Variants in IGF2BP2 observed in about 807,000 individuals in gnomAD.
The protein encoded by IGF2BP2 is insulin-like growth factor 2 mRNA-binding protein 2.
Under a neutral mutation model 75.8 loss-of-function variants are expected in IGF2BP2, and 17 were observed. That is an observed-to-expected ratio of 0.22 (90% CI 0.15 to 0.34). The LOEUF (loss-of-function observed/expected upper bound fraction) is 0.34. Among genes scored for constraint, IGF2BP2 ranks in the 10% least tolerant of loss-of-function variants. The pLI is 1.00. For synonymous variants in IGF2BP2, 288 were observed against 295.6 expected (o/e 0.97, Z 0.26); for missense variants, 516 against 772.4 (o/e 0.67, Z 3.93).
Position 185,694,955 on chromosome 3 carries a change from C to G in IGF2BP2, c.340+1657G>C, listed in dbSNP as rs541467376. Reference sequence around the variant, plus strand: ...TACAAAAATTAGCCAGGCATGGTGGCGCTCACCTATAATCCCAGCTACTAG... The same window carrying G: ...TACAAAAATTAGCCAGGCATGGTGGGGCTCACCTATAATCCCAGCTACTAG... On this transcript the variant is annotated intron_variant, in intron 4 of 15. Transcript: ENST00000382199. Among the ~76,000 whole-genome samples the G allele has an allele frequency of 2.6e-5, 4 of 152,054 alleles. No individual in the cohort carries two copies. The East Asian group carries it at 7.7e-4, about 29-fold the overall frequency.
intron 2 of IGF2BP2, among the ~76,000 whole-genome samples, chr3:185,798,138 T>C (rs559832878): frequency 4.8e-4 from 73 of 152,192 alleles, no homozygotes; most frequent in African/African-American, 1.7e-3. Flanking sequence ...GACATGGATG[T>C]TGCAGTGAGC....
chr3:185,768,030 A>C (rs1046519348), intron 2 of IGF2BP2: 1 of 152,176 alleles, frequency 6.6e-6, no homozygotes, highest in African/African-American at 2.4e-5. Flanking sequence ...CCTTATATAC[A>C]CTTTTGTGAC....
intron 2 of IGF2BP2, among the ~76,000 whole-genome samples, chr3:185,820,836 G>A (rs1741284055): frequency 6.6e-6 from 1 of 152,188 alleles, no homozygotes; most frequent in Non-Finnish European, 1.5e-5. Context: ...AGCAAGCAAT[G>A]AGGATGAACT....
intron 2 of IGF2BP2, chr3:185,717,796 A>C (rs947913730): frequency 1.3e-5 from 2 of 152,270 alleles, no homozygotes; most frequent in African/African-American, 4.8e-5. Context: ...TCTATGTCCC[A>C]GGCTGCACTA....
intron 2 of IGF2BP2, among the ~76,000 whole-genome samples, chr3:185,700,223 A>C (rs1723104814): frequency 6.6e-6 from 1 of 152,128 alleles, no homozygotes; most frequent in Non-Finnish European, 1.5e-5. Context: ...ACACACACAG[A>C]GGTACAGAGA....
intron 2 of IGF2BP2, among the ~76,000 whole-genome samples, chr3:185,793,277 G>A (rs1386028683): frequency 1.3e-5 from 2 of 152,154 alleles, no homozygotes; most frequent in African/African-American, 4.8e-5. Context: ...CTTTCTCGCT[G>A]GTGGCCTTGG....
At chr3:185,660,751 C>T (rs565558945) in intron 10 of IGF2BP2, among the ~76,000 whole-genome samples, 22 of 152,304 alleles carry the variant, frequency 1.4e-4, no homozygotes, top group Non-Finnish European at 2.8e-4. Context: ...TCTGCAGGTC[C>T]GTGTCCTGGG....
intron 2 of IGF2BP2, among the ~76,000 whole-genome samples, chr3:185,760,537 G>A (rs80233208): frequency 0.023 from 3,538 of 152,258 alleles, 66 homozygotes; most frequent in Middle Eastern, 0.054. Flanking sequence ...CCCATGAGCA[G>A]TCTCTCCCTC....
intron 10 of IGF2BP2, among the ~76,000 whole-genome samples, chr3:185,669,096 C>T (rs990410659): frequency 2.6e-5 from 4 of 152,006 alleles, no homozygotes; most frequent in Non-Finnish European, 5.9e-5. Flanking sequence ...CATCAGACTG[C>T]GAGGAATTGG....
At chr3:185,667,817 G>C (rs549618711) in intron 10 of IGF2BP2, among the ~76,000 whole-genome samples, 31 of 152,290 alleles carry the variant, frequency 2.0e-4, no homozygotes, top group Admixed American at 3.9e-4. Flanking sequence ...TTACAAACTG[G>C]AAGGCTTGTG....
At position 185,658,889 on chromosome 3, in the gene IGF2BP2, T is replaced by C. The variant is rs370434651; in HGVS notation, c.1201-480A>G. 8.5e-5 allele frequency among the ~76,000 whole-genome samples: 13 copies of C among 152,202 alleles called. No homozygotes were observed. In the South Asian group the frequency reaches 1.0e-3, roughly 12 times the overall value. On this transcript the variant is annotated intron_variant, in intron 10 of 15. Transcript: ENST00000382199. ...ACAAGCAAATGTGTTCCTGGGCAGA[T>C]AGATCAGTCAGCTCCATCAGAGAAT...
rs558792882 is a variant in IGF2BP2, at chr3:185,746,670, G to A, written c.240-48323C>T. Among the ~76,000 whole-genome samples the A allele has an allele frequency of 5.3e-5, 8 of 152,244 alleles. No individual in the cohort carries two copies. The South Asian group carries it at 1.5e-3, about 28-fold the overall frequency. On this transcript the variant is annotated intron_variant, in intron 2 of 15. Transcript: ENST00000382199. ...TATATATGAGGGCGGAGCAAAAGTG[G>A]GGACAAAGCCAACAGGAAACATATA...
At chr3:185,663,267 T>G (rs1268563430) in intron 10 of IGF2BP2, among the ~76,000 whole-genome samples, 1 of 152,144 alleles carries the variant, frequency 6.6e-6, no homozygotes, top group Non-Finnish European at 1.5e-5. Flanking sequence ...TGTTTCAAAA[T>G]CATTTTGGCA....
At position 185,689,435 on chromosome 3, in the gene IGF2BP2, C is replaced by G. The variant is rs1433783827; in HGVS notation, c.597G>C (p.Leu199=). The stretch of plus-strand genomic sequence containing the variant: ...TGGCACCAACAAACTGGGTGGGGAC[C>G]AGGATCCGCAGCGGGAAATCAATCT... ...ARQIDFPLRI[L]VPTQFVGAII... Residue 199 remains leucine (L), a synonymous_variant, in exon 6 of 16, where the codon CTG becomes CTC. Coordinates refer to ENST00000382199, the MANE Select transcript of IGF2BP2 (RefSeq NM_006548.6). 1 of 1,613,798 alleles carries G rather than the reference C, an allele frequency of 6.2e-7. No individual in the cohort carries two copies. Among genetic ancestry groups the G allele is most frequent in the African/African-American group, 1.3e-5 (1 of 74,916 alleles).
intron 2 of IGF2BP2, among the ~76,000 whole-genome samples, chr3:185,795,226 T>C (rs968049378): frequency 2.0e-5 from 3 of 152,192 alleles, no homozygotes; most frequent in African/African-American, 4.8e-5. Flanking sequence ...TGGGATCATA[T>C]AGTGCTTATC....
In IGF2BP2 at chr3:185,644,865, T is replaced by TCC. The variant is rs1713251966; in HGVS notation, c.*665_*666insGG. The TCC allele has an allele frequency of 6.6e-6, 1 of 152,530 alleles. No homozygotes were observed. Among genetic ancestry groups the TCC allele is most frequent in the South Asian group, 2.1e-4 (1 of 4,824 alleles). 9.4% of individuals were successfully genotyped at this position (152,530 alleles called of 1,614,324 possible). The stretch of plus-strand genomic sequence containing the variant: ...ACAGGTGATCCAGAACTGCCGTGAG[T>TCC]GTCCTTCCGACGAGATTTCCCTCTG... On this transcript the variant is annotated 3_prime_UTR_variant, in exon 16 of 16. Coordinates refer to ENST00000382199, the MANE Select transcript of IGF2BP2 (RefSeq NM_006548.6).
chr3:185,647,535 C>T lies in IGF2BP2; in HGVS notation c.1594-397G>A, dbSNP rs1034614358. On this transcript the variant is annotated intron_variant, in intron 14 of 15. Coordinates refer to ENST00000382199, the MANE Select transcript of IGF2BP2 (RefSeq NM_006548.6). This position sits in a 1 kb window ranked among gnomAD's most constrained non-coding sequence, Gnocchi z 4.9. ...GACATGCTGTCCTGGGTGCTGACCA[C>T]GAGCCCAAACCTCCTCTTGGTTAAC... 3.9e-5 allele frequency among the ~76,000 whole-genome samples: 6 copies of T among 152,052 alleles called. No homozygotes were observed. The highest frequency in any genetic ancestry group is 1.2e-4 in the African/African-American group (5 of 41,400).
chr3:185,687,238 G>C (rs778273973), intron 6 of IGF2BP2, 47 bp from the exon 7 acceptor site: 2 of 1,564,694 alleles, frequency 1.3e-6, no homozygotes, highest in African/African-American at 2.8e-5. Context: ...CATCTGGATA[G>C]GACCCTAGCC....
Position 185,692,739 on chromosome 3 carries a change from C to T in IGF2BP2, c.364G>A (p.Val122Ile), listed in dbSNP as rs1230354917. The T allele has an allele frequency of 1.1e-5, 18 of 1,613,850 alleles. No individual in the cohort carries two copies. The highest frequency in any genetic ancestry group is 3.3e-5 in the Admixed American group (2 of 59,994). Reference protein sequence around the residue: ...EQVNTDTETAVVNVTYATREE... With the variant: ...EQVNTDTETAIVNVTYATREE... ...CTTGTTGCATATGTGACGTTGACAA[C>T]GGCGGTTTCTGTGTCTGTGTTGACT... Residue 122 changes from valine to isoleucine, a missense_variant, in exon 5 of 16, where the codon GTT becomes ATT. Val to Ile is a conservative substitution (Grantham distance 29). This residue lies in a region of IGF2BP2 where 312 missense variants were observed against 474.5 expected (regional missense o/e 0.66). Transcript: ENST00000382199.
Sources: allele counts gnomAD v4.1 joint callset (sites outside exome capture counted in the v4.1 genomes callset), GRCh38; gene constraint gnomAD v4.1.1; regional missense constraint gnomAD v4.1.1; non-coding constraint Gnocchi (gnomAD v3.1); transcripts MANE v1.5; gene names NCBI Gene and HGNC (gene_info 2026-07-23, HGNC 2026-07-21).